FREM1: variants seen among roughly 807,000 people sequenced by gnomAD.
FREM1 encodes FRAS1-related extracellular matrix protein 1.
FREM1 carries 220 observed loss-of-function variants against 210.1 expected under a neutral mutation model. The ratio of observed to expected loss-of-function variants is 1.05; its 90% CI spans 0.94 to 1.17. The LOEUF (loss-of-function observed/expected upper bound fraction) is 1.17, where lower values mean the gene tolerates loss of function less well. Among genes scored for constraint, FREM1 ranks in the 50% most tolerant of loss-of-function variants. The pLI, the probability that FREM1 is intolerant of heterozygous loss-of-function variation, is 0.00. For synonymous variants in FREM1, 1,189 were observed against 980.2 expected (o/e 1.21, Z -3.98); for missense variants, 3,454 against 2,675.5 (o/e 1.29, Z -6.42).
At chr9:14,845,891 T>A in intron 8 of FREM1, 69 bp downstream of exon 8, 1 of 1,502,654 alleles carries the variant, frequency 6.7e-7, no homozygotes. Context: ...CATATATCTG[T>A]TAAATATATC....
chr9:14,901,524 C>G (rs1038424721), intron 1 of FREM1, among the ~76,000 whole-genome samples: 1 of 151,812 alleles, frequency 6.6e-6, no homozygotes, highest in African/African-American at 2.4e-5. Context: ...TACTCAATAA[C>G]AAAAAATAAA....
At chr9:14,805,342 G>T (rs1410454075) in intron 18 of FREM1, among the ~76,000 whole-genome samples, 190 bp from the exon 19 acceptor site, 2 of 152,212 alleles carry the variant, frequency 1.3e-5, no homozygotes, top group Non-Finnish European at 2.9e-5. Context: ...GATATCCACA[G>T]ATCATACAGA....
At chr9:14,883,650 A>T (rs1037261380) in intron 1 of FREM1, among the ~76,000 whole-genome samples, 1 of 152,252 alleles carries the variant, frequency 6.6e-6, no homozygotes, top group African/African-American at 2.4e-5. Flanking sequence ...CCTCAAAATG[A>T]GACGGTAATA....
At chr9:14,861,068 T>TATATACATATATAC (rs1455006021) in intron 3 of FREM1, among the ~76,000 whole-genome samples, 3 of 56,152 alleles carry the variant, frequency 5.3e-5, no homozygotes, top group African/African-American at 7.9e-5. Context: ...TATACACATA[T>TATATACATATATAC]ACATATATAC....
In FREM1 at chr9:14,836,794, G is replaced by A. The variant is rs150322827; in HGVS notation, c.1881+4653C>T. On this transcript the variant is annotated intron_variant, in intron 10 of 36. Transcript: ENST00000380880. This position sits in a 1 kb window ranked among gnomAD's most constrained non-coding sequence, Gnocchi z 4.9. ...CCCTAACTGCTGTTCCCCATTCAAC[G>A]CCCCTTTTAAGTAGGAAGTAGCCAG... 3.9e-3 allele frequency among the ~76,000 whole-genome samples: 592 copies of A among 152,196 alleles called. 3 individuals are homozygous for A. The highest frequency in any genetic ancestry group is 0.017 in the Middle Eastern group (5 of 294).
At chr9:14,886,895 C>CAAAAAAAA (rs59827471) in intron 1 of FREM1, among the ~76,000 whole-genome samples, 3 of 95,496 alleles carry the variant, frequency 3.1e-5, no homozygotes, top group African/African-American at 8.0e-5. Context: ...GACCTTGTTT[C>CAAAAAAAA]AAAAAAAAAA....
At chr9:14,896,632 G>A (rs1837793607) in intron 1 of FREM1, among the ~76,000 whole-genome samples, 1 of 151,528 alleles carries the variant, frequency 6.6e-6, no homozygotes, top group South Asian at 2.1e-4. Flanking sequence ...TGGGCAACCA[G>A]CAGCTCTCAG....
chr9:14,784,546 TC>T lies in FREM1; in HGVS notation c.4265del (p.Gly1422GlufsTer39). 1 of 1,613,656 alleles carries T rather than the reference TC, an allele frequency of 6.2e-7. No individual in the cohort carries two copies. The highest frequency in any genetic ancestry group is 1.7e-5 in the Admixed American group (1 of 59,976). Reference protein sequence around the residue: ...LTTTTLLAVDGTDKPEELLYV... With the variant: ...LTTTTLLAVDXTDKPEELLYV... Reference sequence around the variant, plus strand: ...AGAGCAGTTCCTCAGGCTTGTCTGTTCCGTCCACAGCCAGGAGCGTGGTGGT... The same window carrying T: ...AGAGCAGTTCCTCAGGCTTGTCTGTTCGTCCACAGCCAGGAGCGTGGTGGT... On this transcript the variant is annotated frameshift_variant, in exon 24 of 37. Coordinates refer to ENST00000380880, the MANE Select transcript of FREM1 (RefSeq NM_001379081.2). LOFTEE classifies it high-confidence loss of function.
intron 20 of FREM1, among the ~76,000 whole-genome samples, chr9:14,798,752 C>A (rs1172643342): frequency 2.6e-5 from 4 of 152,110 alleles, no homozygotes; most frequent in African/African-American, 9.7e-5. Context: ...TGGCTCACTA[C>A]AACATCTACC....
Position 14,788,934 on chromosome 9 carries a change from T to G in FREM1, c.4162A>C (p.Lys1388Gln). 1 of 1,612,344 alleles carries G rather than the reference T, an allele frequency of 6.2e-7. No individual in the cohort carries two copies. Among genetic ancestry groups the G allele is most frequent in the Non-Finnish European group, 8.5e-7 (1 of 1,179,216 alleles). ...GTGCTTTTACCTTTTTCCATGTCCT[T>G]GATGGTGATTTGACAGTCAAGAGCA... ...SPALDCQITI[K>Q]DMEKGDIVIL... The change falls in exon 23 of 37, where the codon AAG becomes CAG. Residue 1388 changes from lysine to glutamine, a missense_variant. By Grantham distance (53) the Lys-to-Gln change is moderately conservative (BLOSUM62 1). Transcript: ENST00000380880.
chr9:14,848,658 G>A lies in FREM1; in HGVS notation c.1261+7C>T. 1 of 1,542,986 alleles carries A rather than the reference G, an allele frequency of 6.5e-7. No homozygotes were observed. Among genetic ancestry groups the A allele is most frequent in the Non-Finnish European group, 9.0e-7 (1 of 1,115,928 alleles). On this transcript the variant is annotated splice_region_variant and intron_variant, in intron 7 of 36. Transcript: ENST00000380880. ...TATGTTGCTCTATGCCTTATATTGA[G>A]CTTTACCTGTATTCCAGGATACACG... is the stretch of plus-strand genomic sequence containing the variant.
At chr9:14,897,354 G>C (rs1010609192) in intron 1 of FREM1, among the ~76,000 whole-genome samples, 2 of 152,092 alleles carry the variant, frequency 1.3e-5, no homozygotes, top group South Asian at 2.1e-4. Context: ...AGCTTGGGGA[G>C]CCCAGGTGCC....
intron 18 of FREM1, among the ~76,000 whole-genome samples, chr9:14,805,670 A>G (rs920258788): frequency 2.6e-5 from 4 of 152,250 alleles, no homozygotes; most frequent in African/African-American, 9.6e-5. Context: ...GAAAATGCTT[A>G]AAGATGTGCA....
intron 1 of FREM1, among the ~76,000 whole-genome samples, chr9:14,869,992 C>T (rs1387017705): frequency 6.6e-6 from 1 of 152,092 alleles, no homozygotes; most frequent in Non-Finnish European, 1.5e-5. Flanking sequence ...TCCACTTTAT[C>T]CACTTAGAAT....
At chr9:14,894,010 G>C (rs981948801) in intron 1 of FREM1, among the ~76,000 whole-genome samples, 5 of 152,086 alleles carry the variant, frequency 3.3e-5, no homozygotes, top group African/African-American at 1.2e-4. Context: ...AAATTTATGA[G>C]AATCTTACCT....
chr9:14,843,834 C>T (rs1057247573), intron 8 of FREM1, among the ~76,000 whole-genome samples: 2 of 152,090 alleles, frequency 1.3e-5, no homozygotes, highest in African/African-American at 4.8e-5. Flanking sequence ...GAGGCAACAA[C>T]CAGTGTTATC....
At chr9:14,796,941 G>C (rs1191268772) in intron 21 of FREM1, among the ~76,000 whole-genome samples, 3 of 152,176 alleles carry the variant, frequency 2.0e-5, no homozygotes, top group Non-Finnish European at 4.4e-5. Flanking sequence ...ATATCGCTCA[G>C]AATTTTAGAA....
At chr9:14,841,967 G>A (rs1406703174) in intron 9 of FREM1, among the ~76,000 whole-genome samples, 1 of 152,120 alleles carries the variant, frequency 6.6e-6, no homozygotes, top group Non-Finnish European at 1.5e-5. Context: ...GTAAACAAAT[G>A]TTATTCATGA....
At chr9:14,784,313 C>T in intron 24 of FREM1, 57 bp downstream of exon 24, 1 of 1,521,982 alleles carries the variant, frequency 6.6e-7, no homozygotes, top group Admixed American at 1.8e-5. Flanking sequence ...TAACAGATCT[C>T]CTTTTCTGTA....
Sources: allele counts gnomAD v4.1 joint callset (sites outside exome capture counted in the v4.1 genomes callset), GRCh38; gene constraint gnomAD v4.1.1; non-coding constraint Gnocchi (gnomAD v3.1); transcripts MANE v1.5; gene names NCBI Gene and HGNC (gene_info 2026-07-23, HGNC 2026-07-21).